Variants in PRKCH observed in about 807,000 individuals in gnomAD.
PRKCH encodes protein kinase C eta.
Under a neutral mutation model 82.5 loss-of-function variants are expected in PRKCH, and 28 were observed. That is an observed-to-expected ratio of 0.34 (90% CI 0.25 to 0.47). The LOEUF (loss-of-function observed/expected upper bound fraction) is 0.47, where lower values mean the gene tolerates loss of function less well. PRKCH is among the 20% of genes least tolerant of loss of function. The probability of loss-of-function intolerance (pLI) is 1.00; values close to 1 mark genes in which losing one functional copy is unlikely to be tolerated. For missense variants in PRKCH, 705 were observed against 881.8 expected (o/e 0.80, Z 2.54); for synonymous variants, 322 against 327.4 (o/e 0.98, Z 0.18).
intron 9 of PRKCH, among the ~76,000 whole-genome samples, chr14:61,475,508 C>T (rs1216161034): frequency 1.3e-5 from 2 of 152,202 alleles, no homozygotes; most frequent in African/African-American, 4.8e-5. Context: ...ATCATCTCCA[C>T]TGAGAGATGC....
chr14:61,487,139 T>C (rs917920461), intron 10 of PRKCH, among the ~76,000 whole-genome samples: 5 of 152,122 alleles, frequency 3.3e-5, no homozygotes, highest in Non-Finnish European at 5.9e-5. Flanking sequence ...GCATAGCAGG[T>C]GTGGCAGGTA....
chr14:61,432,307 A>G (rs531186546), intron 2 of PRKCH, among the ~76,000 whole-genome samples: 2 of 151,950 alleles, frequency 1.3e-5, no homozygotes, highest in African/African-American at 2.4e-5. Flanking sequence ...CTTTGTTTCT[A>G]TTTACTTACA....
chr14:61,203,416 A>C (rs912057841), intron 1 of PRKCH, among the ~76,000 whole-genome samples: 3 of 152,158 alleles, frequency 2.0e-5, no homozygotes, highest in African/African-American at 7.2e-5. Flanking sequence ...GAAGCAGATA[A>C]TGCCAGGAAA....
chr14:61,238,129 G>A (rs1217451304), intron 1 of PRKCH, among the ~76,000 whole-genome samples: 1 of 152,210 alleles, frequency 6.6e-6, no homozygotes, highest in Non-Finnish European at 1.5e-5. Context: ...TAAGTAGGCA[G>A]CTTTAGACTA....
intron 10 of PRKCH, among the ~76,000 whole-genome samples, chr14:61,528,522 G>T (rs1465503637): frequency 3.9e-5 from 6 of 152,098 alleles, no homozygotes; most frequent in African/African-American, 1.4e-4. Context: ...GCATAATGGC[G>T]CCAGGCATAA....
intron 12 of PRKCH, among the ~76,000 whole-genome samples, chr14:61,540,059 AT>A (rs2043162581): frequency 6.6e-6 from 1 of 152,206 alleles, no homozygotes; most frequent in Non-Finnish European, 1.5e-5. Flanking sequence ...GTATTTGAAA[AT>A]TTTAAGTGTC....
At chr14:61,202,331 C>T (rs1384627998) in intron 1 of PRKCH, among the ~76,000 whole-genome samples, 2 of 152,180 alleles carry the variant, frequency 1.3e-5, no homozygotes, top group Admixed American at 6.5e-5. Context: ...CTTCCTCTTC[C>T]GGTCTGTGTC....
intron 4 of PRKCH, among the ~76,000 whole-genome samples, chr14:61,448,790 C>A (rs1884348811): frequency 6.6e-6 from 1 of 152,152 alleles, no homozygotes; most frequent in South Asian, 2.1e-4. Context: ...TAGCTTGGAG[C>A]AGCCTCTGGA....
chr14:61,382,744 C>T (rs1264926647), intron 1 of PRKCH, among the ~76,000 whole-genome samples: 2 of 152,172 alleles, frequency 1.3e-5, no homozygotes, highest in East Asian at 3.8e-4. Flanking sequence ...TCTACCTTTG[C>T]CCCCAAAATT....
intron 1 of PRKCH, among the ~76,000 whole-genome samples, chr14:61,329,581 T>C (rs1566823273): frequency 6.6e-6 from 1 of 152,172 alleles, no homozygotes; most frequent in Non-Finnish European, 1.5e-5. Context: ...CCATGATCTG[T>C]ACCCTGTGTT....
chr14:61,265,274 A>G (rs1443420364), intron 1 of PRKCH, among the ~76,000 whole-genome samples: 1 of 152,096 alleles, frequency 6.6e-6, no homozygotes, highest in Non-Finnish European at 1.5e-5. Context: ...GGAACCCAGG[A>G]GTTCAAGACC....
At chr14:61,396,015 G>A (rs550369020) in intron 2 of PRKCH, among the ~76,000 whole-genome samples, 2 of 151,118 alleles carry the variant, frequency 1.3e-5, no homozygotes, top group Middle Eastern at 3.4e-3. Context: ...GGGAAGTGGA[G>A]GTTGCAGTGA....
chr14:61,447,553 C>A (rs749123794), intron 4 of PRKCH, among the ~76,000 whole-genome samples: 1 of 152,116 alleles, frequency 6.6e-6, no homozygotes, highest in Non-Finnish European at 1.5e-5. Context: ...ATAAAACATA[C>A]CTTACCAAAT....
intron 1 of PRKCH, among the ~76,000 whole-genome samples, chr14:61,370,922 C>T (rs1255465306): frequency 1.3e-5 from 2 of 151,994 alleles, no homozygotes; most frequent in Admixed American, 1.3e-4. Context: ...TGACACTGGC[C>T]AGCTGGAGAC....
intron 2 of PRKCH, among the ~76,000 whole-genome samples, chr14:61,409,182 G>A (rs117637972): frequency 0.017 from 2,633 of 152,280 alleles, 52 homozygotes; most frequent in East Asian, 0.08. Context: ...GGCTGTGGGC[G>A]TAGACAGCCC....
At chr14:61,501,185 C>T (rs959224121) in intron 10 of PRKCH, among the ~76,000 whole-genome samples, 1 of 152,122 alleles carries the variant, frequency 6.6e-6, no homozygotes, top group Non-Finnish European at 1.5e-5. Context: ...CAGTGTCTGA[C>T]ATCAGCAAAT....
At chr14:61,343,048 C>A (rs75588580) in intron 1 of PRKCH, among the ~76,000 whole-genome samples, 1 of 152,150 alleles carries the variant, frequency 6.6e-6, no homozygotes, top group Non-Finnish European at 1.5e-5. Flanking sequence ...TTTACCAATT[C>A]GTCTCACACA....
At chr14:61,369,229 C>A (rs951418070) in intron 1 of PRKCH, among the ~76,000 whole-genome samples, 9 of 152,116 alleles carry the variant, frequency 5.9e-5, no homozygotes, top group South Asian at 2.1e-4. Context: ...TTTGTTAAAA[C>A]AGCTTGCTGG....
intron 12 of PRKCH, among the ~76,000 whole-genome samples, chr14:61,538,659 G>T (rs1272661278): frequency 6.6e-6 from 1 of 152,190 alleles, no homozygotes; most frequent in Non-Finnish European, 1.5e-5. Context: ...AACTTTTCCT[G>T]TGTGGAGATT....
Sources: allele counts gnomAD v4.1 joint callset (sites outside exome capture counted in the v4.1 genomes callset), GRCh38; gene constraint gnomAD v4.1.1; transcripts MANE v1.5; gene names NCBI Gene and HGNC (gene_info 2026-07-23, HGNC 2026-07-21).